Variants in USP39 observed in about 807,000 individuals in gnomAD.
USP39 encodes the protein ubiquitin carboxyl-terminal hydrolase 39.
Under a neutral mutation model 66.4 loss-of-function variants are expected in USP39, and 38 were observed. The observed-to-expected ratio is 0.57, with a 90% CI of 0.44 to 0.75. The LOEUF (loss-of-function observed/expected upper bound fraction) is 0.75, where lower values mean the gene tolerates loss of function less well. Among genes scored for constraint, USP39 ranks in the 30% least tolerant of loss-of-function variants. The probability of loss-of-function intolerance (pLI) is 0.00; values close to 1 mark genes in which losing one functional copy is unlikely to be tolerated. For missense variants in USP39, 608 were observed against 714.4 expected, an observed-to-expected ratio of 0.85 and a Z score of 1.70; for synonymous variants, 303 against 274.6, an observed-to-expected ratio of 1.10 and a Z score of -1.02.
upstream of USP39, chr2:85,608,779 T>TGACTGC: frequency 1.7e-6 from 1 of 573,002 alleles, no homozygotes; most frequent in Non-Finnish European, 2.7e-6. Context: ...TAAGAAAGAA[T>TGACTGC]GACTGCAAGG....
chr2:85,611,376 C>T, upstream of USP39: 1 of 1,452,514 alleles, frequency 6.9e-7, no homozygotes, highest in South Asian at 1.5e-5. Flanking sequence ...TTTCTCTTTG[C>T]TAGGTAGCGG....
upstream of USP39, chr2:85,616,180 T>A (rs748878333): frequency 1.4e-4 from 199 of 1,422,808 alleles, no homozygotes; most frequent in Non-Finnish European, 1.7e-4. Flanking sequence ...GCTGGACGAC[T>A]CGGCCGGTAG....
upstream of USP39, chr2:85,612,018 G>T (rs895911509): frequency 2.8e-6 from 4 of 1,432,590 alleles, no homozygotes; most frequent in African/African-American, 2.9e-5. Flanking sequence ...CCGCCGCCTC[G>T]ACGGCCCCAA....
Position 85,632,905 on chromosome 2 carries a change from G to A in USP39, c.949+1959G>A, listed in dbSNP as rs1675470836. On this transcript the variant is annotated intron_variant, in intron 6 of 12. Coordinates refer to ENST00000323701, the MANE Select transcript of USP39 (RefSeq NM_006590.4). ...GAGTTTTAGGTAGAGGTGGAGGCAG[G>A]TTGGGATGGGGAGTAGGCATTCTAG... is the stretch of plus-strand genomic sequence containing the variant. Among the ~76,000 whole-genome samples, 6 of 152,102 alleles carry A rather than the reference G, an allele frequency of 3.9e-5. 1 individual carries two copies. The South Asian group carries it at 1.2e-3, about 32-fold the overall frequency.
chr2:85,627,961 T>A (rs539621219), intron 5 of USP39, among the ~76,000 whole-genome samples: 1 of 152,308 alleles, frequency 6.6e-6, no homozygotes, highest in Non-Finnish European at 1.5e-5. Flanking sequence ...TGCTAGTTCT[T>A]ATTTGGCCTT....
chr2:85,630,173 C>G (rs150159242), intron 5 of USP39, among the ~76,000 whole-genome samples: 1 of 151,954 alleles, frequency 6.6e-6, no homozygotes, highest in African/African-American at 2.4e-5. Flanking sequence ...TACACCTTTG[C>G]GTCCTCACAG....
Position 85,636,056 on chromosome 2 carries a change from A to G in USP39, c.953A>G (p.Asp318Gly). Residue 318 changes from aspartate (D) to glycine (G), a missense_variant, in exon 7 of 13, where the codon GAT (aspartate) becomes GGT (glycine). Coordinates refer to ENST00000323701, the MANE Select transcript of USP39 (RefSeq NM_006590.4). ...TCCACCCTTCCTTTTTTTCCAGGAG[A>G]TGGCGTTGACTTTCTGTCTTGGTTT... is the stretch of plus-strand genomic sequence containing the variant. ...KKTFQITKQG[D>G]GVDFLSWFLN... 1 of 1,613,852 alleles carries G rather than the reference A, an allele frequency of 6.2e-7. No homozygotes were observed. The highest frequency in any genetic ancestry group is 8.5e-7 in the Non-Finnish European group (1 of 1,179,928).
intron 10 of USP39, among the ~76,000 whole-genome samples, chr2:85,642,293 T>C (rs1449251952): frequency 6.6e-6 from 1 of 152,192 alleles, no homozygotes; most frequent in Non-Finnish European, 1.5e-5. Flanking sequence ...TGGGGGGACA[T>C]GGAGGTTTGT....
upstream of USP39, chr2:85,612,008 C>A (rs904998304): frequency 6.8e-7 from 1 of 1,475,516 alleles, no homozygotes; most frequent in South Asian, 1.3e-5. Flanking sequence ...CGCAGAGTCG[C>A]CGCCGCCTCG....
chr2:85,613,691 T>C (rs1214372753), upstream of USP39, among the ~76,000 whole-genome samples: 2 of 144,472 alleles, frequency 1.4e-5, no homozygotes, highest in Admixed American at 7.4e-5. Context: ...AACTAATCTA[T>C]AGTGACCGAG....
At chr2:85,634,574 G>A (rs1305370590) in intron 6 of USP39, among the ~76,000 whole-genome samples, 5 of 152,012 alleles carry the variant, frequency 3.3e-5, no homozygotes, top group African/African-American at 7.2e-5. Context: ...ACGCTGTGTC[G>A]CGAAGAAAAA....
intron 6 of USP39, among the ~76,000 whole-genome samples, 180 bp downstream of exon 6, chr2:85,631,126 C>T (rs1355699501): frequency 1.3e-5 from 2 of 151,812 alleles, no homozygotes; most frequent in African/African-American, 2.4e-5. Context: ...GCGATTCTCC[C>T]GCTTCAGCCT....
At chr2:85,643,428 T>A (rs1321565950) in intron 10 of USP39, among the ~76,000 whole-genome samples, 1 of 151,546 alleles carries the variant, frequency 6.6e-6, no homozygotes, top group Non-Finnish European at 1.5e-5. Flanking sequence ...AAGCAGAGCT[T>A]GCAGTGAATT....
At chr2:85,645,736 C>T (rs1241748036) in intron 11 of USP39, 3 of 152,352 alleles carry the variant, frequency 2.0e-5, no homozygotes, top group Middle Eastern at 3.4e-3. Context: ...CATCAGTCAG[C>T]ATTAAGGTTA....
At position 85,648,667 on chromosome 2, in the gene USP39, A is replaced by G. The variant is rs72923077; in HGVS notation, c.1651-94A>G. On this transcript the variant is annotated intron_variant, in intron 12 of 12. Transcript: ENST00000323701. ...ATAGCAGATTTGTAAATGGGGTGAC[A>G]AGTTGTCCATGGCCTGGCACAGAAT... The G allele has an allele frequency of 0.016, 22,991 of 1,429,448 alleles. 2,686 individuals are homozygous for G. The African/African-American group carries it at 0.27, about 17-fold the overall frequency. 88.5% of individuals were successfully genotyped at this position (1,429,448 alleles called of 1,614,324 possible).
intron 3 of USP39, among the ~76,000 whole-genome samples, chr2:85,621,791 C>T (rs540649543): frequency 6.6e-6 from 1 of 152,206 alleles, no homozygotes; most frequent in South Asian, 2.1e-4. Flanking sequence ...ATATGAAAGA[C>T]TGTAATCTTA....
chr2:85,604,005 C>G (rs1047803127), intron 1 of USP39, among the ~76,000 whole-genome samples: 2 of 152,178 alleles, frequency 1.3e-5, no homozygotes, highest in Non-Finnish European at 2.9e-5. Flanking sequence ...TGTGAGATGA[C>G]AGATCATCAC....
intron 3 of USP39, among the ~76,000 whole-genome samples, chr2:85,622,484 T>C (rs1381594978): frequency 6.6e-6 from 1 of 151,992 alleles, no homozygotes; most frequent in Non-Finnish European, 1.5e-5. Flanking sequence ...ATTCCTGAGC[T>C]CAAGCAGTGT....
At chr2:85,615,679 G>A (rs1178620299), upstream of USP39, among the ~76,000 whole-genome samples, 1 of 152,186 alleles carries the variant, frequency 6.6e-6, no homozygotes, top group African/African-American at 2.4e-5. Context: ...TGCCCAGGCT[G>A]GAGTGCAATG....
Sources: allele counts gnomAD v4.1 joint callset (sites outside exome capture counted in the v4.1 genomes callset), GRCh38; gene constraint gnomAD v4.1.1; transcripts MANE v1.5; gene names NCBI Gene and HGNC (gene_info 2026-07-23, HGNC 2026-07-21).